Variants in COL23A1 observed in about 807,000 individuals in gnomAD.
COL23A1 encodes collagen alpha-1(XXIII) chain.
A neutral mutation model predicts 99.3 loss-of-function variants in COL23A1; 97 were observed. The observed-to-expected ratio is 0.98, with a 90% CI of 0.83 to 1.16. COL23A1 has a LOEUF of 1.16. Ranked by LOEUF, COL23A1 falls within the 50% of genes most tolerant of loss-of-function variation. COL23A1 has a pLI of 0.00. For synonymous variants in COL23A1, 320 were observed against 308.2 expected (o/e 1.04, Z -0.40); for missense variants, 762 against 757.4 (o/e 1.01, Z -0.07).
chr5:178,250,414 T>A (rs1347502909), intron 17 of COL23A1, among the ~76,000 whole-genome samples: 1 of 152,190 alleles, frequency 6.6e-6, no homozygotes, highest in Non-Finnish European at 1.5e-5. Context: ...GACTTCAAAG[T>A]TGTTGGCTCT....
chr5:178,390,366 G>T (rs1357795798), intron 2 of COL23A1, among the ~76,000 whole-genome samples: 2 of 152,192 alleles, frequency 1.3e-5, no homozygotes, highest in Non-Finnish European at 2.9e-5. Context: ...ATGGCCATGA[G>T]GCAGGTCACC....
Position 178,247,556 on chromosome 5 carries a change from CA to C in COL23A1, c.1270-5del. On this transcript the variant is annotated splice_region_variant and splice_polypyrimidine_tract_variant and intron_variant, in intron 21 of 28. Transcript: ENST00000390654. Reference sequence around the variant, plus strand: ...GACCCTGGATTCCCTGGAGGCCCTGCAGGAGGAGGAAGCAGATAAGAAGGCT... The same window carrying C: ...GACCCTGGATTCCCTGGAGGCCCTGCGGAGGAGGAAGCAGATAAGAAGGCT... 6.2e-7 allele frequency: 1 copy of C among 1,614,000 alleles called. No individual in the cohort carries two copies. Among genetic ancestry groups the C allele is most frequent in the Non-Finnish European group, 8.5e-7 (1 of 1,179,880 alleles).
intron 2 of COL23A1, among the ~76,000 whole-genome samples, chr5:178,326,057 A>C (rs1473046614): frequency 3.3e-5 from 5 of 152,164 alleles, no homozygotes; most frequent in African/African-American, 1.2e-4. Flanking sequence ...GACCCCAGAT[A>C]ATAAGCTCCA....
At chr5:178,444,308 G>A (rs1312116047) in intron 2 of COL23A1, among the ~76,000 whole-genome samples, 1 of 152,176 alleles carries the variant, frequency 6.6e-6, no homozygotes, top group Non-Finnish European at 1.5e-5. Flanking sequence ...AATATTCAGT[G>A]AGGCCTTTTG....
At chr5:178,546,730 T>C (rs892499368) in intron 2 of COL23A1, among the ~76,000 whole-genome samples, 1 of 152,206 alleles carries the variant, frequency 6.6e-6, no homozygotes, top group African/African-American at 2.4e-5. Context: ...ATTTGTACCA[T>C]GTAGCAAGGG....
Position 178,387,213 on chromosome 5 carries a change from CCA to C in COL23A1, c.362-80296_362-80295del, listed in dbSNP as rs1763721517. 6.6e-6 allele frequency among the ~76,000 whole-genome samples: 1 copy of C among 152,138 alleles called. No homozygotes were observed. The highest frequency in any genetic ancestry group is 6.5e-5 in the Admixed American group (1 of 15,274). On this transcript the variant is annotated intron_variant, in intron 2 of 28. Coordinates refer to ENST00000390654, the MANE Select transcript of COL23A1 (RefSeq NM_173465.4). This position sits in a 1 kb window ranked among gnomAD's most constrained non-coding sequence, Gnocchi z 4.7. ...ACCCTGCCCGAGTCTTCAATGGCCC[CCA>C]CACACAGCCTCACCGAGGAAAGCCA...
rs988536143 is a variant in COL23A1, at chr5:178,308,912, G to A, written c.362-1993C>T. ...AGCCCCCCGGCACACGCAGCACCAT[G>A]TTCCTCGGGCTGTAGGAGGAAGAAG... On this transcript the variant is annotated intron_variant, in intron 2 of 28. Coordinates refer to ENST00000390654, the MANE Select transcript of COL23A1 (RefSeq NM_173465.4). This position sits in a 1 kb window ranked among gnomAD's most constrained non-coding sequence, Gnocchi z 5.1. Among the ~76,000 whole-genome samples the A allele has an allele frequency of 1.3e-5, 2 of 152,330 alleles. No homozygotes were observed. Among genetic ancestry groups the A allele is most frequent in the South Asian group, 4.1e-4 (2 of 4,828 alleles).
intron 2 of COL23A1, among the ~76,000 whole-genome samples, chr5:178,514,112 T>G (rs1759371797): frequency 6.6e-6 from 1 of 152,188 alleles, no homozygotes; most frequent in Non-Finnish European, 1.5e-5. Flanking sequence ...CTTTCTGTCT[T>G]GATGAATTTG....
At chr5:178,444,007 A>T (rs1168573371) in intron 2 of COL23A1, among the ~76,000 whole-genome samples, 1 of 151,772 alleles carries the variant, frequency 6.6e-6, no homozygotes, top group African/African-American at 2.4e-5. Flanking sequence ...ATTGAGACCA[A>T]CCCAGGCAAC....
intron 2 of COL23A1, among the ~76,000 whole-genome samples, chr5:178,476,737 C>T (rs1004819861): frequency 2.0e-5 from 3 of 152,226 alleles, no homozygotes; most frequent in Non-Finnish European, 4.4e-5. Flanking sequence ...GCCACTTTGG[C>T]CAGATCAGAG....
At chr5:178,350,170 C>A (rs1215682958) in intron 2 of COL23A1, among the ~76,000 whole-genome samples, 2 of 152,246 alleles carry the variant, frequency 1.3e-5, no homozygotes, top group Non-Finnish European at 2.9e-5. Flanking sequence ...CTACTCAGTC[C>A]TCGGGCCGAG....
chr5:178,314,229 C>T (rs1223492071), intron 2 of COL23A1, among the ~76,000 whole-genome samples: 1 of 25,160 alleles, frequency 4.0e-5, no homozygotes, highest in African/African-American at 1.0e-4. Flanking sequence ...CTGCTTACGT[C>T]CCCCCCAGAG....
intron 2 of COL23A1, among the ~76,000 whole-genome samples, chr5:178,376,353 A>G (rs1561917077): frequency 6.6e-6 from 1 of 152,222 alleles, no homozygotes; most frequent in Non-Finnish European, 1.5e-5. Flanking sequence ...TCTGAGAAGT[A>G]GGTATTATCA....
At chr5:178,561,287 T>C (rs2113570699) in intron 1 of COL23A1, among the ~76,000 whole-genome samples, 1 of 152,372 alleles carries the variant, frequency 6.6e-6, no homozygotes, top group Middle Eastern at 3.4e-3. Context: ...TGTTTTCTGT[T>C]TTCCATTTTC....
At chr5:178,253,938 A>AGGT (rs1765170044) in intron 16 of COL23A1, among the ~76,000 whole-genome samples, 2 of 151,364 alleles carry the variant, frequency 1.3e-5, no homozygotes, top group African/African-American at 4.8e-5. Context: ...CTGAGGTGGC[A>AGGT]GGATCACTTG....
chr5:178,295,549 T>A (rs559589361), intron 3 of COL23A1, among the ~76,000 whole-genome samples: 1 of 152,360 alleles, frequency 6.6e-6, no homozygotes, highest in Admixed American at 6.5e-5. Flanking sequence ...ATTGGAACCT[T>A]CTCTCTAGAG....
At chr5:178,347,897 AC>A (rs1554142415) in intron 2 of COL23A1, among the ~76,000 whole-genome samples, 42 of 43,036 alleles carry the variant, frequency 9.8e-4, no homozygotes, top group South Asian at 5.2e-3. Flanking sequence ...AAAAAAAAAA[AC>A]CCAAAAAAAC....
Position 178,415,120 on chromosome 5 carries a change from C to A in COL23A1, c.362-108201G>T, listed in dbSNP as rs999578885. On this transcript the variant is annotated intron_variant, in intron 2 of 28. Transcript: ENST00000390654. The surrounding 1 kb of genome is among the most constrained non-coding windows in gnomAD (Gnocchi z 4.6). ...CCCGGAATATGTGAGTGCTGGTTCTCTCTGCCCCAGTGAGCTGGGCTGCTT... is the reference window on the plus strand; with the variant it reads ...CCCGGAATATGTGAGTGCTGGTTCTATCTGCCCCAGTGAGCTGGGCTGCTT... Among the ~76,000 whole-genome samples the A allele has an allele frequency of 7.1e-6, 1 of 140,908 alleles. No homozygotes were observed. Among genetic ancestry groups the A allele is most frequent in the Non-Finnish European group, 1.5e-5 (1 of 64,660 alleles). 92.4% of individuals were successfully genotyped at this position (140,908 alleles called of 152,430 possible).
Position 178,590,184 on chromosome 5 carries a change from T to C in COL23A1, c.14A>G (p.Glu5Gly). Residue 5 changes from glutamate to glycine, a missense_variant, in exon 1 of 29, where the codon GAG (glutamate) becomes GGG (glycine). By Grantham distance (98) the Glu-to-Gly change is moderately conservative (BLOSUM62 -2). Transcript: ENST00000390654. This position sits in a 1 kb window ranked among gnomAD's most constrained non-coding sequence, Gnocchi z 5.7. ...CGCGTCGCCGCCGCCACCGGCGCGC[T>C]CGCCTGGGCCCATGGCGCGTTCGTC... is the stretch of plus-strand genomic sequence containing the variant. MGPG[E>G]RAGGGGDAGK... The C allele has an allele frequency of 8.2e-7, 1 of 1,217,258 alleles. No individual in the cohort carries two copies. The highest frequency in any genetic ancestry group is 4.0e-5 in the South Asian group (1 of 25,302). The allele number at this position is 1,217,258 out of a possible 1,614,324, so 75.4% of individuals were successfully genotyped here. A position where few individuals can be genotyped will look rare whatever the true frequency, so the allele number is the denominator to read the frequency against.
Sources: allele counts gnomAD v4.1 joint callset (sites outside exome capture counted in the v4.1 genomes callset), GRCh38; gene constraint gnomAD v4.1.1; non-coding constraint Gnocchi (gnomAD v3.1); transcripts MANE v1.5; gene names NCBI Gene and HGNC (gene_info 2026-07-23, HGNC 2026-07-21).